The following ITPK1 variants were observed in gnomAD, a reference collection of about 807,000 sequenced individuals.
The protein encoded by ITPK1 is inositol-tetrakisphosphate 1-kinase.
Under a neutral mutation model 45.3 loss-of-function variants are expected in ITPK1, and 21 were observed. The observed-to-expected ratio is 0.46, with a 90% CI of 0.33 to 0.67. The LOEUF (loss-of-function observed/expected upper bound fraction) is 0.67, where lower values mean the gene tolerates loss of function less well. Ranked by LOEUF, ITPK1 falls within the 30% of genes least tolerant of loss-of-function variation. The pLI is 0.02. For synonymous variants in ITPK1, 258 were observed against 253.6 expected (o/e 1.02, Z -0.16); for missense variants, 474 against 573.5 (o/e 0.83, Z 1.77).
intron 8 of ITPK1, among the ~76,000 whole-genome samples, chr14:92,956,717 A>G (rs1027552408): frequency 7.2e-5 from 11 of 152,126 alleles, no homozygotes; most frequent in Non-Finnish European, 1.6e-4. Flanking sequence ...ATAAAATATA[A>G]CTCCTCTTAA....
At chr14:92,995,773 G>A (rs996729387) in intron 4 of ITPK1, among the ~76,000 whole-genome samples, 7 of 152,246 alleles carry the variant, frequency 4.6e-5, no homozygotes, top group African/African-American at 1.7e-4. Flanking sequence ...TGATGCGGGA[G>A]AGCCCAAGTC....
At chr14:92,970,637 C>T (rs1885599983) in intron 5 of ITPK1, among the ~76,000 whole-genome samples, 1 of 142,860 alleles carries the variant, frequency 7.0e-6, no homozygotes, top group Admixed American at 6.8e-5. Flanking sequence ...CTCGCAGCAT[C>T]ATTTTTTTTT....
intron 3 of ITPK1, among the ~76,000 whole-genome samples, chr14:93,073,342 A>G (rs545972260): frequency 1.3e-5 from 2 of 152,318 alleles, no homozygotes; most frequent in South Asian, 2.1e-4. Flanking sequence ...GTGGCAGGGA[A>G]GAAGGGCTCC....
intron 9 of ITPK1, among the ~76,000 whole-genome samples, chr14:92,949,338 G>A (rs528272711): frequency 2.0e-5 from 3 of 152,252 alleles, no homozygotes; most frequent in East Asian, 1.9e-4. Context: ...GGGCTCAAGC[G>A]ATCTGCCCGC....
intron 3 of ITPK1, among the ~76,000 whole-genome samples, chr14:93,025,480 T>A (rs1020199099): frequency 6.6e-6 from 1 of 152,256 alleles, no homozygotes; most frequent in Non-Finnish European, 1.5e-5. Flanking sequence ...TAAGTTTTTA[T>A]CATTAAATCT....
At chr14:93,015,435 A>G (rs1888128661) in intron 4 of ITPK1, among the ~76,000 whole-genome samples, 1 of 152,222 alleles carries the variant, frequency 6.6e-6, no homozygotes, top group Non-Finnish European at 1.5e-5. Flanking sequence ...CTCGAACCCC[A>G]GCACACTCCT....
Position 92,969,410 on chromosome 14 carries a change from G to A in ITPK1, c.365-6561C>T, listed in dbSNP as rs146014940. On this transcript the variant is annotated intron_variant, in intron 5 of 10. Transcript: ENST00000267615. ...ACTGGGGGGGTGGGGAGGCGCCAAC[G>A]AGGCACAGGGAACAGCCGGTGCAAA... is the stretch of plus-strand genomic sequence containing the variant. Among the ~76,000 whole-genome samples the A allele has an allele frequency of 8.8e-3, 1,344 of 152,240 alleles. 17 individuals carry two copies. Among genetic ancestry groups the A allele is most frequent in the African/African-American group, 0.03 (1,261 of 41,524 alleles).
intron 3 of ITPK1, among the ~76,000 whole-genome samples, chr14:93,019,350 A>G (rs1452269133): frequency 6.6e-6 from 1 of 152,214 alleles, no homozygotes; most frequent in African/African-American, 2.4e-5. Flanking sequence ...CTCCCCTGGC[A>G]TCAGCCTGAG....
rs2139686346 is a variant in ITPK1 at position 92,940,422 on chromosome 14, T to G, written c.*1139A>C. 9 of 1,033,812 alleles carry G rather than the reference T, an allele frequency of 8.7e-6. No individual in the cohort carries two copies. In the South Asian group the frequency reaches 9.6e-5, roughly 11 times the overall value. The allele number at this position is 1,033,812 out of a possible 1,614,324, so 64.0% of individuals were successfully genotyped here. On this transcript the variant is annotated 3_prime_UTR_variant, in exon 11 of 11. Transcript: ENST00000267615. ...GTGCTTTGCTGCCAAGGTGATGGGGTGAGTCTGAGGTGTGCAGAAGCGATG... is the reference window on the plus strand; with the variant it reads ...GTGCTTTGCTGCCAAGGTGATGGGGGGAGTCTGAGGTGTGCAGAAGCGATG...
chr14:92,966,765 A>C (rs1885388964), intron 5 of ITPK1, among the ~76,000 whole-genome samples: 1 of 152,258 alleles, frequency 6.6e-6, no homozygotes, highest in Non-Finnish European at 1.5e-5. Flanking sequence ...ATGGAATAGA[A>C]CAGAGAATCT....
chr14:92,965,766 G>A (rs1431381029), intron 5 of ITPK1, among the ~76,000 whole-genome samples: 1 of 152,176 alleles, frequency 6.6e-6, no homozygotes, highest in Non-Finnish European at 1.5e-5. Context: ...CACTTTGGGA[G>A]GCCAAAGCAG....
chr14:93,044,073 T>C (rs1248999803), intron 3 of ITPK1, among the ~76,000 whole-genome samples: 2 of 151,576 alleles, frequency 1.3e-5, no homozygotes, highest in East Asian at 3.9e-4. Flanking sequence ...AGCCAGAGGG[T>C]ACTGAGGAAT....
In ITPK1 at chr14:93,034,275, C is replaced by A. The variant is rs759741321; in HGVS notation, c.121-17474G>T. ...CAAACCACCCACCCCCAACACTCCC[C>A]CACCCCCTGTCGGAGCAGGAAGATG... On this transcript the variant is annotated intron_variant, in intron 3 of 10. Coordinates refer to ENST00000267615, the MANE Select transcript of ITPK1 (RefSeq NM_014216.6). This position sits in a 1 kb window ranked among gnomAD's most constrained non-coding sequence, Gnocchi z 4.1. Among the ~76,000 whole-genome samples, 1 of 151,570 alleles carries A rather than the reference C, an allele frequency of 6.6e-6. No homozygotes were observed. Among genetic ancestry groups the A allele is most frequent in the South Asian group, 2.1e-4 (1 of 4,766 alleles).
chr14:92,945,206 G>A (rs890238230), intron 10 of ITPK1, among the ~76,000 whole-genome samples: 9 of 152,262 alleles, frequency 5.9e-5, no homozygotes, highest in African/African-American at 9.6e-5. Context: ...AGCCCTGGGC[G>A]ACAGCAGCCC....
Position 92,958,101 on chromosome 14 carries a change from C to T in ITPK1, c.670+100G>A. 1.8e-6 allele frequency: 2 copies of T among 1,142,000 alleles called. No homozygotes were observed. Among genetic ancestry groups the T allele is most frequent in the Non-Finnish European group, 2.6e-6 (2 of 763,600 alleles). 70.7% of individuals were successfully genotyped at this position (1,142,000 alleles called of 1,614,324 possible). On this transcript the variant is annotated intron_variant, in intron 8 of 10. Transcript: ENST00000267615. This position sits in a 1 kb window ranked among gnomAD's most constrained non-coding sequence, Gnocchi z 4.4. ...GCACCTCTCCATCCCACCAAGAACA[C>T]AGGGTGGTTGGGGCAGTGCCGAAGG...
At chr14:93,053,955 T>C (rs536771399) in intron 3 of ITPK1, among the ~76,000 whole-genome samples, 7 of 152,124 alleles carry the variant, frequency 4.6e-5, no homozygotes, top group Non-Finnish European at 1.0e-4. Flanking sequence ...GGGAAGATTC[T>C]AGATGGAGGG....
rs556930533 is a variant in ITPK1, at chr14:93,000,654, G to A, written c.247-6657C>T. ...GTTGTGCATCTCCAGAAAGGCTAGG[G>A]AGCACCTGAAAGCTAAACGTTAGTG... On this transcript the variant is annotated intron_variant, in intron 4 of 10. Transcript: ENST00000267615. 7.9e-5 allele frequency among the ~76,000 whole-genome samples: 12 copies of A among 152,254 alleles called. 1 individual carries two copies. The highest frequency in any genetic ancestry group is 2.9e-4 in the African/African-American group (12 of 41,546).
rs554976630 is a variant in ITPK1 at position 92,970,273 on chromosome 14, G to A, written c.365-7424C>T. Among the ~76,000 whole-genome samples the A allele has an allele frequency of 2.6e-5, 4 of 152,332 alleles. No individual in the cohort carries two copies. In the South Asian group the frequency reaches 8.3e-4, roughly 32 times the overall value. On this transcript the variant is annotated intron_variant, in intron 5 of 10. Coordinates refer to ENST00000267615, the MANE Select transcript of ITPK1 (RefSeq NM_014216.6). ...CCACTAGCTGAAACCTTGGGCACAC[G>A]ACTTAACTCTGCTGAGCCTTGCTTT...
chr14:92,992,434 C>A (rs144377409), intron 5 of ITPK1, among the ~76,000 whole-genome samples: 2 of 152,340 alleles, frequency 1.3e-5, no homozygotes, highest in East Asian at 3.9e-4. Context: ...CAGCAGAGGC[C>A]AATCACTCCA....
Sources: gnomAD v4.1 joint callset for allele counts (sites outside exome capture counted in the v4.1 genomes callset) on GRCh38, gnomAD v4.1.1 for gene constraint, Gnocchi (gnomAD v3.1) non-coding constraint, MANE v1.5 for transcripts, NCBI Gene and HGNC (gene_info 2026-07-23, HGNC 2026-07-21) for gene names.